HHLA2: variants seen among roughly 807,000 people sequenced by gnomAD.
The protein encoded by HHLA2 is HHLA2 member of B7 family, also known as HERV-H LTR-associating protein 2.
A neutral mutation model predicts 45.9 loss-of-function variants in HHLA2; 48 were observed. The observed-to-expected ratio is 1.05, with a 90% confidence interval of 0.83 to 1.33. The LOEUF is 1.33. HHLA2 is among the 40% of genes most tolerant of loss of function. HHLA2 has a pLI of 0.00. For synonymous variants in HHLA2, 161 were observed against 173.9 expected, an observed-to-expected ratio of 0.93 and a Z score of 0.59; for missense variants, 462 against 494.3, an observed-to-expected ratio of 0.93 and a Z score of 0.62.
At chr3:108,377,929 G>GCA (rs2082302729) in exon 11 of HHLA2, 1 of 152,170 alleles carries the variant, frequency 6.6e-6, no homozygotes, top group East Asian at 1.9e-4. Flanking sequence ...CATCCAGATG[G>GCA]CCTAAAGTAA....
At chr3:108,357,844 A>G (rs753058530) in exon 7 of HHLA2, 16 of 1,600,718 alleles carry the variant, frequency 1.0e-5, no homozygotes, top group Non-Finnish European at 1.1e-5. Flanking sequence ...GTGTTGTTAG[A>G]TGGCCTTCAT....
intron 2 of HHLA2, chr3:108,326,064 TTTTC>T (rs1006473330): frequency 3.3e-4 from 96 of 291,768 alleles, no homozygotes; most frequent in African/African-American, 2.1e-3. Flanking sequence ...GTCACTTTAA[TTTTC>T]CATACTGTTC....
At chr3:108,333,598 C>CAAA (rs5851586) in intron 3 of HHLA2, among the ~76,000 whole-genome samples, 3 of 108,248 alleles carry the variant, frequency 2.8e-5, no homozygotes, top group East Asian at 3.2e-4. Context: ...TCTCAGTAAC[C>CAAA]AAAAAAAAAA....
intron 1 of HHLA2, among the ~76,000 whole-genome samples, chr3:108,301,129 T>C (rs968601108): frequency 3.5e-4 from 53 of 152,176 alleles, no homozygotes; most frequent in Non-Finnish European, 7.8e-4. Context: ...TGAGGAGACC[T>C]AGGCCCTCCA....
chr3:108,320,809 A>C (rs2081186346), intron 2 of HHLA2, among the ~76,000 whole-genome samples: 1 of 152,194 alleles, frequency 6.6e-6, no homozygotes, highest in Non-Finnish European at 1.5e-5. Flanking sequence ...AGAGACCATG[A>C]AGCTCACCAC....
At chr3:108,338,360 A>G (rs2081509721) in intron 3 of HHLA2, among the ~76,000 whole-genome samples, 1 of 152,150 alleles carries the variant, frequency 6.6e-6, no homozygotes, top group Non-Finnish European at 1.5e-5. Context: ...GAGCTTAAGC[A>G]GAGGGATTTT....
intron 8 of HHLA2, among the ~76,000 whole-genome samples, chr3:108,370,507 C>G (rs2082151129): frequency 6.6e-6 from 1 of 152,062 alleles, no homozygotes; most frequent in Non-Finnish European, 1.5e-5. Flanking sequence ...GAGAAGAAGG[C>G]TTCAGACGAT....
At chr3:108,337,535 G>T (rs2081494606) in intron 3 of HHLA2, among the ~76,000 whole-genome samples, 1 of 152,148 alleles carries the variant, frequency 6.6e-6, no homozygotes, top group Non-Finnish European at 1.5e-5. Context: ...AAAGTTGAAT[G>T]AATAGAAATA....
At chr3:108,366,459 T>G (rs2082064723) in intron 8 of HHLA2, among the ~76,000 whole-genome samples, 1 of 152,172 alleles carries the variant, frequency 6.6e-6, no homozygotes, top group African/African-American at 2.4e-5. Flanking sequence ...TGTATCTCTG[T>G]CAGGTTTTGG....
At chr3:108,348,737 T>C (rs1473012847) in intron 3 of HHLA2, among the ~76,000 whole-genome samples, 2 of 152,212 alleles carry the variant, frequency 1.3e-5, no homozygotes, top group South Asian at 4.2e-4. Flanking sequence ...CCCTGGTGGT[T>C]TGCTGCACCC....
intron 10 of HHLA2, 99 bp from the exon 10 acceptor site, chr3:108,377,159 C>T (rs2107524949): frequency 4.0e-6 from 3 of 754,742 alleles, no homozygotes; most frequent in South Asian, 1.7e-5. Flanking sequence ...AGCTTTTTGC[C>T]GCCCACCCCA....
At chr3:108,376,409 C>CA in intron 9 of HHLA2, 84 bp from the exon 9 acceptor site, 2 of 1,006,312 alleles carry the variant, frequency 2.0e-6, no homozygotes, top group Non-Finnish European at 2.9e-6. Flanking sequence ...ATTCTAATAA[C>CA]ATGATTATAT....
At chr3:108,343,619 G>C (rs2081613278) in intron 3 of HHLA2, among the ~76,000 whole-genome samples, 1 of 152,156 alleles carries the variant, frequency 6.6e-6, no homozygotes, top group Admixed American at 6.5e-5. Flanking sequence ...CCTTGATTCT[G>C]ATATTCAGTT....
At chr3:108,369,930 T>TA (rs1426260536) in intron 8 of HHLA2, among the ~76,000 whole-genome samples, 4 of 152,198 alleles carry the variant, frequency 2.6e-5, no homozygotes, top group Non-Finnish European at 4.4e-5. Flanking sequence ...TCTGCAGACT[T>TA]AAATGTCCCT....
intron 1 of HHLA2, among the ~76,000 whole-genome samples, chr3:108,309,910 T>C (rs180709434): frequency 6.6e-6 from 1 of 152,086 alleles, no homozygotes; most frequent in African/African-American, 2.4e-5. Context: ...TATTTGAAAT[T>C]ATTTGGTATG....
intron 3 of HHLA2, among the ~76,000 whole-genome samples, chr3:108,340,358 A>T (rs2081542764): frequency 6.6e-6 from 1 of 152,236 alleles, no homozygotes; most frequent in Non-Finnish European, 1.5e-5. Flanking sequence ...GGGCATGGGT[A>T]AAGATGCCCC....
rs111527084 is a variant in HHLA2, at chr3:108,350,794, C to A, written c.-26-994C>A. ...CCACCTCCCTGGTTCAAGCAATTTG[C>A]CTGTCTCAGCCTCTTGAGTAGCTGG... is the stretch of plus-strand genomic sequence containing the variant. On this transcript the variant is annotated intron_variant, in intron 3 of 10. Transcript: ENST00000619531. Among the ~76,000 whole-genome samples, 256 of 152,278 alleles carry A rather than the reference C, an allele frequency of 1.7e-3. 1 individual carries two copies. The highest frequency in any genetic ancestry group is 5.9e-3 in the African/African-American group (244 of 41,546).
At position 108,340,895 on chromosome 3, in the gene HHLA2, C is replaced by CT. The variant is rs201959417; in HGVS notation, c.-26-10878dup. ...GAGAGTAAAATAGCCAAACTCTTTT[C>CT]TTTTTTTTTTTTTTTCCTTCCTTCC... On this transcript the variant is annotated intron_variant, in intron 3 of 10. Transcript: ENST00000619531. Among the ~76,000 whole-genome samples the CT allele has an allele frequency of 2.7e-3, 162 of 60,730 alleles. 9 individuals carry two copies. The East Asian group carries it at 0.055, about 20-fold the overall frequency. The allele number at this position is 60,730 out of a possible 152,430, so 39.8% of individuals were successfully genotyped here. A position where few individuals can be genotyped will look rare whatever the true frequency, so the allele number is the denominator to read the frequency against.
chr3:108,365,469 G>A (rs894679125), intron 8 of HHLA2, among the ~76,000 whole-genome samples: 2 of 152,090 alleles, frequency 1.3e-5, no homozygotes, highest in African/African-American at 2.4e-5. Context: ...GGATTGTCTC[G>A]GCTATATGGG....
Sources: allele counts gnomAD v4.1 joint callset (sites outside exome capture counted in the v4.1 genomes callset), GRCh38; gene constraint gnomAD v4.1.1; transcripts MANE v1.5; gene names NCBI Gene and HGNC (gene_info 2026-07-23, HGNC 2026-07-21).